The following ENAM variants were observed in gnomAD, a reference collection of about 807,000 sequenced individuals.
ENAM encodes the protein enamelin.
In ENAM, 21 loss-of-function variants were observed where a neutral mutation model predicts 33.6. The ratio of observed to expected loss-of-function variants is 0.63; its 90% CI spans 0.44 to 0.90. The LOEUF is 0.90. Among genes scored for constraint, ENAM ranks in the 40% least tolerant of loss-of-function variants. The pLI is 0.00. For synonymous variants in ENAM, 473 were observed against 468.4 expected (o/e 1.01, Z -0.13); for missense variants, 1,388 against 1,366.9 (o/e 1.02, Z -0.24).
At chr4:70,631,938 C>T (rs1738335258) in intron 4 of ENAM, 45 bp downstream of exon 4, 2 of 1,481,942 alleles carry the variant, frequency 1.3e-6, no homozygotes, top group African/African-American at 2.8e-5. Flanking sequence ...AGAGTCCTAT[C>T]CTACACATTT....
At chr4:70,641,158 C>T (rs1192027208) in intron 8 of ENAM, among the ~76,000 whole-genome samples, 1 of 152,054 alleles carries the variant, frequency 6.6e-6, no homozygotes, top group African/African-American at 2.4e-5. Flanking sequence ...TATAGAACAT[C>T]GGAGGAGGAG....
intron 4 of ENAM, 51 bp downstream of exon 4, chr4:70,631,944 C>A: frequency 2.1e-6 from 3 of 1,453,194 alleles, no homozygotes; most frequent in Non-Finnish European, 2.9e-6. Flanking sequence ...CTATCCTACA[C>A]ATTTACTAAA....
rs1045090223 is a variant in ENAM, at chr4:70,644,468, T to C, written c.3042T>C (p.Leu1014=). The C allele has an allele frequency of 6.2e-7, 1 of 1,614,026 alleles. No individual in the cohort carries two copies. Among genetic ancestry groups the C allele is most frequent in the African/African-American group, 1.3e-5 (1 of 74,900 alleles). ...DNQLNERTVD[L]TPEQLVIGTP... ...AGCTCAATGAAAGAACTGTTGACCT[T>C]ACTCCTGAGCAGCTTGTTATTGGTA... The change falls in exon 9 of 9, where the codon CTT becomes CTC. Residue 1014 remains leucine, a synonymous_variant. Coordinates refer to ENST00000396073, the MANE Select transcript of ENAM (RefSeq NM_031889.3).
rs1171904892 is a variant in ENAM, at chr4:70,643,066, T to G, written c.1640T>G (p.Val547Gly). The G allele has an allele frequency of 6.2e-7, 1 of 1,613,908 alleles. No homozygotes were observed. The highest frequency in any genetic ancestry group is 8.5e-7 in the Non-Finnish European group (1 of 1,179,972). ...ELKHSSYQPA[V>G]YPEEIPSPAK... Reference sequence around the variant, plus strand: ...AAGCACAGCTCATATCAGCCTGCTGTATACCCTGAGGAAATCCCTTCTCCT... The same window carrying G: ...AAGCACAGCTCATATCAGCCTGCTGGATACCCTGAGGAAATCCCTTCTCCT... Residue 547 changes from valine to glycine, a missense_variant, in exon 9 of 9, where the codon GTA becomes GGA. By Grantham distance (109) the Val-to-Gly change is moderately radical (BLOSUM62 -3). Transcript: ENST00000396073.
intron 7 of ENAM, chr4:70,637,561 G>GCCATACAGA: frequency 1.8e-6 from 1 of 553,862 alleles, no homozygotes; most frequent in Non-Finnish European, 3.3e-6. Context: ...ATTTTAAGTA[G>GCCATACAGA]GATAATCTAG....
chr4:70,631,798 C>T (rs968714933), intron 3 of ENAM, 51 bp from the exon 4 acceptor site: 1 of 1,608,378 alleles, frequency 6.2e-7, no homozygotes. Context: ...AATTGTTGAG[C>T]TTATTTCAAC....
chr4:70,643,185 T>A lies in ENAM; in HGVS notation c.1759T>A (p.Leu587Ile), dbSNP rs770816913. 4.3e-6 allele frequency: 7 copies of A among 1,613,556 alleles called. No homozygotes were observed. The African/African-American group carries it at 9.4e-5, about 22-fold the overall frequency. ...AGATCCAGGGAGGCAAGAAGAACAT[T>A]TACCCCATCCTTCCCATGGTTCTAG... ...KEDPGRQEEH[L>I]PHPSHGSRGS... Residue 587 changes from leucine to isoleucine, a missense_variant, in exon 9 of 9, where the codon TTA (leucine) becomes ATA (isoleucine). Coordinates refer to ENST00000396073, the MANE Select transcript of ENAM (RefSeq NM_031889.3).
Position 70,637,758 on chromosome 4 carries a change from C to T in ENAM, c.535-32C>T, listed in dbSNP as rs760451596. On this transcript the variant is annotated intron_variant, in intron 7 of 8. Transcript: ENST00000396073. ...AAATGGCGGCATCGAACGTGGTTTT[C>T]TCCTGTGTTCACTGTGTTTTTCACT... 1.1e-5 allele frequency: 18 copies of T among 1,593,320 alleles called. No homozygotes were observed. The East Asian group carries it at 4.0e-4, about 36-fold the overall frequency.
rs1198681336 is a variant in ENAM at position 70,646,146 on chromosome 4, T to C, written c.*1291T>C. The C allele has an allele frequency of 1.3e-5, 2 of 152,150 alleles. No homozygotes were observed. Among genetic ancestry groups the C allele is most frequent in the East Asian group, 3.9e-4 (2 of 5,170 alleles). 9.4% of individuals were successfully genotyped at this position (152,150 alleles called of 1,614,324 possible). ...TTCTTCATGTCCATGCAGAATTACT[T>C]ACAGACACTCTTTCTTGGTATCTTG... On this transcript the variant is annotated 3_prime_UTR_variant, in exon 9 of 9. Coordinates refer to ENST00000396073, the MANE Select transcript of ENAM (RefSeq NM_031889.3).
intron 6 of ENAM, among the ~76,000 whole-genome samples, chr4:70,635,186 G>A (rs1334344285): frequency 2.0e-5 from 3 of 152,132 alleles, no homozygotes; most frequent in Non-Finnish European, 2.9e-5. Flanking sequence ...AGACCAGCCT[G>A]GCCAACATGG....
At position 70,642,264 on chromosome 4, in the gene ENAM, G is replaced by T. The variant is rs774216441; in HGVS notation, c.838G>T (p.Gly280Trp). 7 of 1,614,112 alleles carry T rather than the reference G, an allele frequency of 4.3e-6. No homozygotes were observed. The highest frequency in any genetic ancestry group is 3.3e-5 in the Admixed American group (2 of 60,010). ...TGNSTPGLNT[G>W]NNPPAQNGIG... ...AAACAGTACCCCAGGACTAAACACT[G>T]GGAACAACCCTCCAGCTCAAAATGG... The change falls in exon 9 of 9, where the codon GGG becomes TGG. Residue 280 changes from glycine to tryptophan, a missense_variant. Gly to Trp is a radical substitution (Grantham distance 184). Coordinates refer to ENST00000396073, the MANE Select transcript of ENAM (RefSeq NM_031889.3).
chr4:70,642,295 G>A lies in ENAM; in HGVS notation c.869G>A (p.Gly290Asp), dbSNP rs763173307. The part of the protein sequence containing the change: ...GNNPPAQNGI[G>D]PLPAVNASGQ... ...AACCCTCCAGCTCAAAATGGGATTG[G>A]CCCACTCCCTGCAGTCAACGCTTCA... The change falls in exon 9 of 9, where the codon GGC becomes GAC. Residue 290 changes from glycine (G) to aspartate (D), a missense_variant. Transcript: ENST00000396073. 1 of 1,614,098 alleles carries A rather than the reference G, an allele frequency of 6.2e-7. No homozygotes were observed. Among genetic ancestry groups the A allele is most frequent in the Admixed American group, 1.7e-5 (1 of 60,002 alleles).
Position 70,634,559 on chromosome 4 carries a change from A to G in ENAM, c.462A>G (p.Gln154=), listed in dbSNP as rs757179405. 15 of 1,613,872 alleles carry G rather than the reference A, an allele frequency of 9.3e-6. No homozygotes were observed. The South Asian group carries it at 1.4e-4, about 15-fold the overall frequency. ...AACCTCAGCCCGAAGAGGAAGCTCA[A>G]CCCCCTCAGGTGAGACTTGCACAGA... is the stretch of plus-strand genomic sequence containing the variant. The part of the protein sequence containing the change: ...HNQPQPEEEA[Q]PPQAFPPFGN... The change falls in exon 6 of 9, where the codon CAA becomes CAG. Residue 154 remains glutamine, a synonymous_variant. Transcript: ENST00000396073.
At chr4:70,633,674 A>G (rs547020239) in intron 5 of ENAM, among the ~76,000 whole-genome samples, 2 of 152,298 alleles carry the variant, frequency 1.3e-5, no homozygotes, top group Admixed American at 6.5e-5. Flanking sequence ...AGAAATTAGC[A>G]TTTTTATAAA....
At position 70,643,015 on chromosome 4, in the gene ENAM, A is replaced by G; in HGVS notation, c.1589A>G (p.Glu530Gly). The G allele has an allele frequency of 6.2e-7, 1 of 1,614,172 alleles. No homozygotes were observed. Among genetic ancestry groups the G allele is most frequent in the Non-Finnish European group, 8.5e-7 (1 of 1,180,028 alleles). ...IVLGSRRMPY[E>G]SETNQSELKH... ...TTAGGGTCAAGAAGGATGCCATATG[A>G]ATCAGAAACTAATCAGTCAGAATTA... Residue 530 changes from glutamate (E) to glycine (G), a missense_variant, in exon 9 of 9, where the codon GAA (glutamate) becomes GGA (glycine). Coordinates refer to ENST00000396073, the MANE Select transcript of ENAM (RefSeq NM_031889.3).
intron 8 of ENAM, among the ~76,000 whole-genome samples, chr4:70,640,329 C>G (rs1738566952): frequency 6.6e-6 from 1 of 152,130 alleles, no homozygotes; most frequent in South Asian, 2.1e-4. Flanking sequence ...CCATGGAAGT[C>G]AAGACACAGA....
Position 70,644,761 on chromosome 4 carries a change from C to G in ENAM, c.3335C>G (p.Pro1112Arg), listed in dbSNP as rs1248297313. The G allele has an allele frequency of 1.2e-6, 2 of 1,613,806 alleles. No individual in the cohort carries two copies. Among genetic ancestry groups the G allele is most frequent in the East Asian group, 4.5e-5 (2 of 44,896 alleles). The change falls in exon 9 of 9, where the codon CCA (proline) becomes CGA (arginine). Residue 1112 changes from proline to arginine, a missense_variant. Coordinates refer to ENST00000396073, the MANE Select transcript of ENAM (RefSeq NM_031889.3). ...EEQFKSINVD[P>R]LDADEHSPFE... ...CAATTTAAGAGTATAAATGTAGACCCACTTGATGCAGATGAACACAGTCCA... is the reference window on the plus strand; with the variant it reads ...CAATTTAAGAGTATAAATGTAGACCGACTTGATGCAGATGAACACAGTCCA...
chr4:70,636,055 A>AGAG (rs1738445420), intron 7 of ENAM, among the ~76,000 whole-genome samples, 161 bp downstream of exon 7: 1 of 108,766 alleles, frequency 9.2e-6, no homozygotes, highest in South Asian at 2.4e-4. Context: ...GAAAAAGAAT[A>AGAG]ATTTTTTGAA....
chr4:70,638,446 G>GTTTTTT (rs1262336672), intron 8 of ENAM, among the ~76,000 whole-genome samples: 1 of 85,778 alleles, frequency 1.2e-5, no homozygotes, highest in African/African-American at 6.6e-5. Flanking sequence ...GCGACAGATT[G>GTTTTTT]TTCTTTTTTT....
Sources: gnomAD v4.1 joint callset for allele counts (sites outside exome capture counted in the v4.1 genomes callset) on GRCh38, gnomAD v4.1.1 for gene constraint, MANE v1.5 for transcripts, NCBI Gene and HGNC (gene_info 2026-07-23, HGNC 2026-07-21) for gene names.